The following MYO1E variants were observed in gnomAD, a reference collection of about 807,000 sequenced individuals.
The protein encoded by MYO1E is unconventional myosin-Ie.
In MYO1E, 68 loss-of-function variants were observed where a neutral mutation model predicts 151.1. That is an observed-to-expected ratio of 0.45 (90% CI 0.37 to 0.55). MYO1E has a LOEUF of 0.55. Ranked by LOEUF, MYO1E falls within the 20% of genes least tolerant of loss-of-function variation. The pLI is 0.00. For missense variants in MYO1E, 1,363 were observed against 1,389.3 expected, an observed-to-expected ratio of 0.98 and a Z score of 0.30; for synonymous variants, 601 against 501.7, an observed-to-expected ratio of 1.20 and a Z score of -2.64.
intron 4 of MYO1E, among the ~76,000 whole-genome samples, chr15:59,241,840 G>A (rs967889874): frequency 2.0e-5 from 3 of 152,052 alleles, no homozygotes; most frequent in African/African-American, 7.2e-5. Context: ...GATTGTTTGA[G>A]TCCAGGAGGT....
At chr15:59,269,557 C>A (rs1246162412) in intron 2 of MYO1E, among the ~76,000 whole-genome samples, 2 of 152,144 alleles carry the variant, frequency 1.3e-5, no homozygotes, top group African/African-American at 4.8e-5. Context: ...TGTTTTTGTA[C>A]AATTCAATTA....
At chr15:59,263,909 T>G (rs930053696) in intron 2 of MYO1E, among the ~76,000 whole-genome samples, 16 of 152,200 alleles carry the variant, frequency 1.1e-4, no homozygotes, top group African/African-American at 3.9e-4. Context: ...CACATACATG[T>G]ACTGTTAAAA....
intron 18 of MYO1E, among the ~76,000 whole-genome samples, chr15:59,187,067 A>T (rs1032179): frequency 0.28 from 42,585 of 152,066 alleles, 6,519 homozygotes; most frequent in East Asian, 0.59. Context: ...TTTTCCTGAA[A>T]TTGTCTTCAT....
chr15:59,278,367 G>A (rs750298467), intron 1 of MYO1E, among the ~76,000 whole-genome samples: 1 of 152,196 alleles, frequency 6.6e-6, no homozygotes, highest in Non-Finnish European at 1.5e-5. Context: ...AGCTTGTTTT[G>A]TAATGGGATT....
chr15:59,214,135 A>AACCG, intron 12 of MYO1E, 93 bp downstream of exon 12: 2 of 1,055,428 alleles, frequency 1.9e-6, no homozygotes, highest in Non-Finnish European at 1.4e-6. Context: ...ATAAGACTGG[A>AACCG]ACCGAAATCT....
chr15:59,290,933 G>A (rs2080415018), intron 1 of MYO1E, among the ~76,000 whole-genome samples: 1 of 152,130 alleles, frequency 6.6e-6, no homozygotes, highest in African/African-American at 2.4e-5. Context: ...TTTATGCAAG[G>A]AATGGAGACC....
In MYO1E at chr15:59,154,557, A is replaced by G. The variant is rs2079499661; in HGVS notation, c.2879-766T>C. On this transcript the variant is annotated intron_variant, in intron 25 of 27. Transcript: ENST00000288235. Reference sequence around the variant, plus strand: ...GATCTGGGCTGAGTGGAGAAAGAGAACAAGACTCTTCAAGGCCCACTTTGG... The same window carrying G: ...GATCTGGGCTGAGTGGAGAAAGAGAGCAAGACTCTTCAAGGCCCACTTTGG... Among the ~76,000 whole-genome samples, 6 of 152,334 alleles carry G rather than the reference A, an allele frequency of 3.9e-5. No homozygotes were observed. The South Asian group carries it at 1.2e-3, about 32-fold the overall frequency.
intron 4 of MYO1E, among the ~76,000 whole-genome samples, chr15:59,248,474 G>A (rs972625140): frequency 8.9e-6 from 1 of 111,926 alleles, no homozygotes; most frequent in Admixed American, 1.3e-4. Flanking sequence ...ACGACAGGGT[G>A]AGACTCCATC....
At position 59,223,181 on chromosome 15, in the gene MYO1E, T is replaced by C. The variant is rs752232450; in HGVS notation, c.788A>G (p.Asn263Ser). ...REFQETLHAM[N>S]VIGIFAEEQT... Reference sequence around the variant, plus strand: ...CTCTTCTGCAAAGATCCCAATCACATTCATGGCGTGCTGGAAGAGAAAAGA... The same window carrying C: ...CTCTTCTGCAAAGATCCCAATCACACTCATGGCGTGCTGGAAGAGAAAAGA... The change falls in exon 9 of 28, where the codon AAT becomes AGT. Residue 263 changes from asparagine to serine, a missense_variant. Transcript: ENST00000288235. The C allele has an allele frequency of 1.9e-6, 3 of 1,614,150 alleles. No homozygotes were observed. The highest frequency in any genetic ancestry group is 2.2e-5 in the South Asian group (2 of 91,080).
intron 4 of MYO1E, among the ~76,000 whole-genome samples, chr15:59,251,990 A>C (rs2140367924): frequency 6.6e-6 from 1 of 152,364 alleles, no homozygotes; most frequent in Admixed American, 6.5e-5. Context: ...GCATTAACAA[A>C]CTTATTCTAT....
chr15:59,337,423 G>A (rs112350235), intron 1 of MYO1E, among the ~76,000 whole-genome samples: 3,273 of 152,272 alleles, frequency 0.021, 51 homozygotes, highest in Middle Eastern at 0.054. Flanking sequence ...GATATAATTC[G>A]TATAATATAA....
chr15:59,157,134 G>A lies in MYO1E; in HGVS notation c.2878+1153C>T, dbSNP rs1210713954. ...CCAGCTACTCAAGGGGCTGAGGTGG[G>A]AGGATCACTTGATCCAGGGAGGCTG... On this transcript the variant is annotated intron_variant, in intron 25 of 27. Transcript: ENST00000288235. 2.0e-5 allele frequency among the ~76,000 whole-genome samples: 3 copies of A among 152,046 alleles called. No homozygotes were observed. The East Asian group carries it at 5.8e-4, about 29-fold the overall frequency.
intron 22 of MYO1E, among the ~76,000 whole-genome samples, chr15:59,163,603 T>C (rs1284506612): frequency 6.6e-6 from 1 of 152,154 alleles, no homozygotes; most frequent in Non-Finnish European, 1.5e-5. Flanking sequence ...AAAAAATCCA[T>C]TTTCAAGTCC....
chr15:59,205,692 T>C (rs2079829230), intron 14 of MYO1E, among the ~76,000 whole-genome samples: 1 of 152,190 alleles, frequency 6.6e-6, no homozygotes, highest in Non-Finnish European at 1.5e-5. Flanking sequence ...TCTTACTTGT[T>C]AGCTGACTTA....
intron 12 of MYO1E, among the ~76,000 whole-genome samples, 171 bp from the exon 13 acceptor site, chr15:59,210,771 T>G (rs572081562): frequency 2.6e-4 from 39 of 152,340 alleles, no homozygotes; most frequent in African/African-American, 8.9e-4. Flanking sequence ...AAGGAACATT[T>G]TATGACTTGG....
chr15:59,175,085 C>T (rs1427543715), intron 19 of MYO1E, among the ~76,000 whole-genome samples: 5 of 152,158 alleles, frequency 3.3e-5, no homozygotes, highest in African/African-American at 4.8e-5. Context: ...CTACATGAGC[C>T]GCATACTCTG....
chr15:59,166,118 G>A (rs891312829), intron 22 of MYO1E, among the ~76,000 whole-genome samples: 1 of 152,212 alleles, frequency 6.6e-6, no homozygotes, highest in African/African-American at 2.4e-5. Context: ...GAAGAGATGT[G>A]TTTGGACACT....
At chr15:59,190,162 C>T (rs145220435) in intron 17 of MYO1E, among the ~76,000 whole-genome samples, 1,728 of 152,310 alleles carry the variant, frequency 0.011, 47 homozygotes, top group African/African-American at 0.037. Context: ...GCGTGCTGCG[C>T]GAGCTGGCTG....
intron 25 of MYO1E, among the ~76,000 whole-genome samples, chr15:59,156,536 C>T (rs1178344161): frequency 6.6e-6 from 1 of 152,146 alleles, no homozygotes; most frequent in African/African-American, 2.4e-5. Flanking sequence ...GCTGTGTTGC[C>T]CAGGCTGGGC....
Sources: gnomAD v4.1 joint callset for allele counts (sites outside exome capture counted in the v4.1 genomes callset) on GRCh38, gnomAD v4.1.1 for gene constraint, MANE v1.5 for transcripts, NCBI Gene and HGNC (gene_info 2026-07-23, HGNC 2026-07-21) for gene names.